The following PTPRT variants were observed in gnomAD, a reference collection of about 807,000 sequenced individuals.
PTPRT encodes the protein receptor-type tyrosine-protein phosphatase T.
A neutral mutation model predicts 176.8 loss-of-function variants in PTPRT; 56 were observed. That is an observed-to-expected ratio of 0.32 (90% CI 0.26 to 0.40). The LOEUF (loss-of-function observed/expected upper bound fraction) is 0.40, where lower values mean the gene tolerates loss of function less well. PTPRT is among the 10% of genes least tolerant of loss of function. The probability of loss-of-function intolerance (pLI) is 1.00; values close to 1 mark genes in which losing one functional copy is unlikely to be tolerated. For synonymous variants in PTPRT, 783 were observed against 739.0 expected, an observed-to-expected ratio of 1.06 and a Z score of -0.96; for missense variants, 1,540 against 1,908.2, an observed-to-expected ratio of 0.81 and a Z score of 3.60.
intron 6 of PTPRT, among the ~76,000 whole-genome samples, chr20:42,727,128 G>C (rs1482905574): frequency 1.3e-5 from 2 of 152,138 alleles, no homozygotes; most frequent in African/African-American, 4.8e-5. Context: ...AGGACAGAGA[G>C]AGGCCTCCAT....
At chr20:42,847,913 G>C (rs187172510) in intron 2 of PTPRT, among the ~76,000 whole-genome samples, 1 of 152,172 alleles carries the variant, frequency 6.6e-6, no homozygotes, top group African/African-American at 2.4e-5. Flanking sequence ...GGTGATTTCT[G>C]AGAGTTTGGT....
chr20:42,780,311 A>C lies in PTPRT; in HGVS notation c.487-12T>G, dbSNP rs1457041851. The C allele has an allele frequency of 1.2e-6, 2 of 1,607,884 alleles. No homozygotes were observed. The highest frequency in any genetic ancestry group is 3.3e-5 in the Admixed American group (2 of 59,998). Reference sequence around the variant, plus strand: ...GATTCAAATATCACCTGCAACACACAGGGCGGGAGTCAATTTCACAGAAAC... The same window carrying C: ...GATTCAAATATCACCTGCAACACACCGGGCGGGAGTCAATTTCACAGAAAC... On this transcript the variant is annotated splice_polypyrimidine_tract_variant and intron_variant, in intron 3 of 30. Coordinates refer to ENST00000373187, the MANE Select transcript of PTPRT (RefSeq NM_007050.6).
the PTPRT span, among the ~76,000 whole-genome samples, chr20:42,044,969 C>T: frequency 1.7e-4 from 26 of 152,334 alleles, no homozygotes; most frequent in African/African-American, 5.8e-4. Context: ...CTTCTGCCTT[C>T]AAAGCTAGCA....
chr20:43,073,109 C>G (rs2011202536), intron 1 of PTPRT, among the ~76,000 whole-genome samples: 2 of 152,084 alleles, frequency 1.3e-5, no homozygotes, highest in African/African-American at 4.8e-5. Flanking sequence ...GCTTACACTG[C>G]AAAATACTAG....
At chr20:43,015,947 A>AC (rs1985346705) in intron 1 of PTPRT, among the ~76,000 whole-genome samples, 4 of 141,098 alleles carry the variant, frequency 2.8e-5, no homozygotes, top group Non-Finnish European at 4.7e-5. Context: ...TATTTCAAAA[A>AC]GAAAAAAAAA....
In PTPRT at chr20:42,905,542, T is replaced by A. The variant is rs149729234; in HGVS notation, c.89-19610A>T. 4.1e-3 allele frequency among the ~76,000 whole-genome samples: 618 copies of A among 152,312 alleles called. 3 individuals carry two copies. Among genetic ancestry groups the A allele is most frequent in the African/African-American group, 0.014 (577 of 41,556 alleles). On this transcript the variant is annotated intron_variant, in intron 1 of 30. Transcript: ENST00000373187. ...CAAGGATCTAGAACTAGAAATACCATTTGACCCAGCCATCCCATTACTGGG... is the reference window on the plus strand; with the variant it reads ...CAAGGATCTAGAACTAGAAATACCAATTGACCCAGCCATCCCATTACTGGG...
chr20:42,473,709 A>T (rs1465865475), intron 7 of PTPRT, among the ~76,000 whole-genome samples: 1 of 152,170 alleles, frequency 6.6e-6, no homozygotes, highest in Non-Finnish European at 1.5e-5. Context: ...TCCTGGGCTC[A>T]AGTGATCCTC....
chr20:42,323,274 G>A, intron 11 of PTPRT, among the ~76,000 whole-genome samples: 1 of 152,102 alleles, frequency 6.6e-6, no homozygotes, highest in Non-Finnish European at 1.5e-5. Context: ...ATACCCAAAG[G>A]ATTATAAATC....
intron 7 of PTPRT, among the ~76,000 whole-genome samples, chr20:42,626,626 A>G (rs6030375): frequency 0.23 from 34,710 of 152,072 alleles, 4,330 homozygotes; most frequent in Non-Finnish European, 0.29. Context: ...CTTTAGTTGC[A>G]AGATTCCAAG....
chr20:42,387,475 T>C (rs565992333), intron 9 of PTPRT, among the ~76,000 whole-genome samples: 172 of 152,344 alleles, frequency 1.1e-3, no homozygotes, highest in African/African-American at 4.1e-3. Flanking sequence ...GAATTTTAAC[T>C]TCAGAAGTAG....
At chr20:43,094,468 G>A (rs1441955213) in intron 1 of PTPRT, among the ~76,000 whole-genome samples, 7 of 130,442 alleles carry the variant, frequency 5.4e-5, no homozygotes, top group Admixed American at 9.4e-5. Flanking sequence ...GCATGATCTC[G>A]GCTCACCGCA....
rs769857638 is a variant in PTPRT, at chr20:42,472,534, T to A, written c.1182A>T (p.Glu394Asp). ...ADPVHGPQNVEIVDIRARQLT... is the reference protein window; with the variant it reads ...ADPVHGPQNVDIVDIRARQLT... ...GCTGCCGGGCTCTGATGTCTACGATTTCCACGTTCTGTGGGCCATGTACCG... is the reference window on the plus strand; with the variant it reads ...GCTGCCGGGCTCTGATGTCTACGATATCCACGTTCTGTGGGCCATGTACCG... Residue 394 changes from glutamate to aspartate, a missense_variant, in exon 8 of 31, where the codon GAA becomes GAT. Coordinates refer to ENST00000373187, the MANE Select transcript of PTPRT (RefSeq NM_007050.6). 1 of 1,614,104 alleles carries A rather than the reference T, an allele frequency of 6.2e-7. No homozygotes were observed. The highest frequency in any genetic ancestry group is 2.2e-5 in the East Asian group (1 of 44,874).
intron 1 of PTPRT, among the ~76,000 whole-genome samples, chr20:42,930,487 A>AT (rs1979768793): frequency 1.3e-5 from 2 of 149,842 alleles, no homozygotes; most frequent in African/African-American, 5.1e-5. Flanking sequence ...CTATTTAATT[A>AT]ATTTTTTTTT....
intron 1 of PTPRT, among the ~76,000 whole-genome samples, chr20:42,901,549 C>T (rs1418429964): frequency 2.0e-5 from 3 of 152,146 alleles, no homozygotes; most frequent in Admixed American, 6.5e-5. Context: ...GTGGAAGCTC[C>T]TGGCACGTCC....
chr20:42,168,299 G>A (rs1989918749), intron 16 of PTPRT, among the ~76,000 whole-genome samples: 1 of 152,148 alleles, frequency 6.6e-6, no homozygotes, highest in Non-Finnish European at 1.5e-5. Context: ...ACCATACTTT[G>A]AGCCTAAGGT....
chr20:43,010,499 T>C (rs1239060994), intron 1 of PTPRT, among the ~76,000 whole-genome samples: 4 of 152,304 alleles, frequency 2.6e-5, no homozygotes, highest in Middle Eastern at 3.4e-3. Context: ...CAAGAACTTA[T>C]ATCAACCTAG....
intron 9 of PTPRT, among the ~76,000 whole-genome samples, chr20:42,413,985 C>T (rs1339630168): frequency 6.6e-6 from 1 of 152,122 alleles, no homozygotes; most frequent in African/African-American, 2.4e-5. Flanking sequence ...CGAGGAGCCA[C>T]CATGCCCGGC....
At chr20:42,420,188 A>G (rs1414795665) in intron 9 of PTPRT, among the ~76,000 whole-genome samples, 1 of 152,232 alleles carries the variant, frequency 6.6e-6, no homozygotes, top group East Asian at 1.9e-4. Context: ...CAGTTATGAC[A>G]GGTGACTTGG....
chr20:42,551,512 TG>T (rs1300345567), intron 7 of PTPRT, among the ~76,000 whole-genome samples: 10 of 152,334 alleles, frequency 6.6e-5, no homozygotes, highest in Admixed American at 2.0e-4. Context: ...AGATTTTTTT[TG>T]TTTGTTTGAC....
Sources: gnomAD v4.1 joint callset for allele counts (sites outside exome capture counted in the v4.1 genomes callset) on GRCh38, gnomAD v4.1.1 for gene constraint, MANE v1.5 for transcripts, NCBI Gene and HGNC (gene_info 2026-07-23, HGNC 2026-07-21) for gene names.